The following TSC22D1 variants were observed in gnomAD, a reference collection of about 807,000 sequenced individuals.
The protein encoded by TSC22D1 is TSC22 domain family member 1, also known as TSC22 domain family protein 1.
TSC22D1 carries 9 observed loss-of-function variants against 74.2 expected under a neutral mutation model. The observed-to-expected ratio is 0.12, with a 90% CI of 0.07 to 0.21. The LOEUF (loss-of-function observed/expected upper bound fraction) is 0.21. Among genes scored for constraint, TSC22D1 ranks in the 10% least tolerant of loss-of-function variants. The pLI, the probability that TSC22D1 is intolerant of heterozygous loss-of-function variation, is 1.00. For synonymous variants in TSC22D1, 586 were observed against 492.5 expected, an observed-to-expected ratio of 1.19 and a Z score of -2.51; for missense variants, 1,427 against 1,304.7, an observed-to-expected ratio of 1.09 and a Z score of -1.44.
In TSC22D1 at chr13:44,573,739, G is replaced by C. The variant is rs1427532656; in HGVS notation, c.2336C>G (p.Thr779Ser). 1.2e-6 allele frequency: 2 copies of C among 1,614,114 alleles called. No individual in the cohort carries two copies. The highest frequency in any genetic ancestry group is 3.3e-5 in the Admixed American group (2 of 60,010). ...QTGIIHQGVQ[T>S]SAPSLPQQLV... ...TTGTTGAGGAAGGCTTGGAGCACTA[G>C]TTTGAACTCCCTGATGAATAATCCC... is the stretch of plus-strand genomic sequence containing the variant. Residue 779 changes from threonine (T) to serine (S), a missense_variant, in exon 1 of 3, where the codon ACT (threonine) becomes AGT (serine). This residue lies in a region of TSC22D1 where 1,343 missense variants were observed against 1,191.5 expected (regional missense o/e 1.13). Transcript: ENST00000458659.
intron 1 of TSC22D1, chr13:44,536,925 T>TG (rs1253568942): frequency 1.6e-6 from 1 of 608,570 alleles, no homozygotes; most frequent in African/African-American, 5.7e-5. Context: ...AGTATTTTTC[T>TG]GAAAAAAAAA....
intron 1 of TSC22D1, among the ~76,000 whole-genome samples, chr13:44,459,526 C>T (rs929221424): frequency 6.6e-6 from 1 of 152,210 alleles, no homozygotes; most frequent in African/African-American, 2.4e-5. Flanking sequence ...GGACACGAGA[C>T]AAGAACCCAG....
At chr13:44,532,257 AC>A (rs1880881894) in intron 1 of TSC22D1, among the ~76,000 whole-genome samples, 1 of 152,216 alleles carries the variant, frequency 6.6e-6, no homozygotes, top group Admixed American at 6.5e-5. Context: ...GAAACAAAAT[AC>A]TTTTTCATAT....
intron 1 of TSC22D1, among the ~76,000 whole-genome samples, chr13:44,516,878 T>C (rs1880012822): frequency 6.6e-6 from 1 of 152,200 alleles, no homozygotes; most frequent in Non-Finnish European, 1.5e-5. Context: ...AGCAGATCAA[T>C]TACCTATAAG....
intron 1 of TSC22D1, among the ~76,000 whole-genome samples, chr13:44,454,618 G>A (rs1487975162): frequency 6.6e-6 from 1 of 152,064 alleles, no homozygotes; most frequent in Non-Finnish European, 1.5e-5. Flanking sequence ...AAACATACTA[G>A]ACAAAGGCAG....
At chr13:44,525,795 C>CAAA (rs59399056) in intron 1 of TSC22D1, among the ~76,000 whole-genome samples, 31 of 88,480 alleles carry the variant, frequency 3.5e-4, no homozygotes, top group Admixed American at 5.1e-4. Flanking sequence ...TAGCTTTTAA[C>CAAA]AAAAAAAAAA....
intron 1 of TSC22D1, among the ~76,000 whole-genome samples, chr13:44,455,733 T>C (rs1332655115): frequency 3.3e-5 from 5 of 152,136 alleles, no homozygotes; most frequent in Non-Finnish European, 5.9e-5. Context: ...GGGAATCTAT[T>C]ACAGAGCCTT....
intron 1 of TSC22D1, among the ~76,000 whole-genome samples, chr13:44,490,903 A>G (rs1020727842): frequency 8.0e-5 from 12 of 150,176 alleles, no homozygotes; most frequent in African/African-American, 2.9e-4. Context: ...ACTCCGTCTC[A>G]TTAAAAAAAA....
intron 1 of TSC22D1, among the ~76,000 whole-genome samples, chr13:44,528,034 T>C (rs1309765908): frequency 6.6e-6 from 1 of 151,948 alleles, no homozygotes; most frequent in Non-Finnish European, 1.5e-5. Context: ...CAATAGAGCA[T>C]CAAAATATGA....
At chr13:44,458,586 A>G (rs1268607578) in intron 1 of TSC22D1, among the ~76,000 whole-genome samples, 2 of 151,976 alleles carry the variant, frequency 1.3e-5, no homozygotes, top group African/African-American at 4.8e-5. Context: ...TCCCAGGCAC[A>G]GCTGCAGCTG....
chr13:44,537,662 G>A (rs1209760270), intron 1 of TSC22D1: 2 of 984,158 alleles, frequency 2.0e-6, no homozygotes, highest in Non-Finnish European at 2.4e-6. Context: ...AAAACAAGTC[G>A]GGAGTAAAAG....
intron 1 of TSC22D1, among the ~76,000 whole-genome samples, chr13:44,488,278 T>C (rs1051131997): frequency 6.6e-6 from 1 of 152,166 alleles, no homozygotes; most frequent in East Asian, 1.9e-4. Flanking sequence ...ATACAGCTAG[T>C]CCAAACTGAG....
chr13:44,530,848 G>C (rs554218175), intron 1 of TSC22D1, among the ~76,000 whole-genome samples: 9 of 152,228 alleles, frequency 5.9e-5, no homozygotes, highest in African/African-American at 2.2e-4. Flanking sequence ...AACATCAAAT[G>C]CTGGTGAGAA....
intron 1 of TSC22D1, among the ~76,000 whole-genome samples, chr13:44,504,160 G>T (rs7337001): frequency 0.45 from 66,843 of 147,086 alleles, 15,721 homozygotes; most frequent in Non-Finnish European, 0.52. Flanking sequence ...AAAACTACTT[G>T]ACTTGACTTG....
At position 44,483,216 on chromosome 13, in the gene TSC22D1, G is replaced by A. The variant is rs182016669; in HGVS notation, c.2913-47121C>T. Among the ~76,000 whole-genome samples the A allele has an allele frequency of 8.9e-4, 136 of 152,254 alleles. No individual in the cohort carries two copies. The East Asian group carries it at 0.018, about 20-fold the overall frequency. Reference sequence around the variant, plus strand: ...ACAGTCTTTCAGCTACAAATTGGATGTTCAATTTTAATATCCCAGTCTTTA... The same window carrying A: ...ACAGTCTTTCAGCTACAAATTGGATATTCAATTTTAATATCCCAGTCTTTA... On this transcript the variant is annotated intron_variant, in intron 1 of 2. Coordinates refer to ENST00000458659, the MANE Select transcript of TSC22D1 (RefSeq NM_183422.4).
rs922791240 is a variant in TSC22D1, at chr13:44,538,024, AT to A, written c.2912+35138del. ...AGATACCAAAGAAAGAAACAGAAACATTTTGATAACTACTTCAATCAATTAA... is the reference window on the plus strand; with the variant it reads ...AGATACCAAAGAAAGAAACAGAAACATTTGATAACTACTTCAATCAATTAA... On this transcript the variant is annotated intron_variant, in intron 1 of 2. Coordinates refer to ENST00000458659, the MANE Select transcript of TSC22D1 (RefSeq NM_183422.4). The A allele has an allele frequency of 3.0e-6, 3 of 985,204 alleles. No individual in the cohort carries two copies. The African/African-American group carries it at 5.2e-5, about 17-fold the overall frequency. The allele number at this position is 985,204 out of a possible 1,614,324, so 61.0% of individuals were successfully genotyped here.
intron 1 of TSC22D1, among the ~76,000 whole-genome samples, chr13:44,565,700 T>C (rs529581407): frequency 6.6e-6 from 1 of 152,234 alleles, no homozygotes; most frequent in South Asian, 2.1e-4. Context: ...CTTAACAGCT[T>C]CATATTTTTA....
intron 1 of TSC22D1, among the ~76,000 whole-genome samples, chr13:44,568,906 T>C (rs1050415320): frequency 2.6e-5 from 4 of 152,010 alleles, no homozygotes; most frequent in Admixed American, 6.6e-5. Context: ...CTGTACAGGA[T>C]AGGAAAAGTA....
At chr13:44,557,455 G>A (rs536677496) in intron 1 of TSC22D1, among the ~76,000 whole-genome samples, 9 of 152,298 alleles carry the variant, frequency 5.9e-5, no homozygotes, top group African/African-American at 1.7e-4. Flanking sequence ...GCGAGACTCC[G>A]TCTCAAAACA....
Sources: gnomAD v4.1 joint callset for allele counts (sites outside exome capture counted in the v4.1 genomes callset) on GRCh38, gnomAD v4.1.1 for gene constraint, gnomAD v4.1.1 regional missense constraint, MANE v1.5 for transcripts, NCBI Gene and HGNC (gene_info 2026-07-23, HGNC 2026-07-21) for gene names.